Variants in RABL2A observed in about 807,000 individuals in gnomAD.
RABL2A encodes the protein rab-like protein 2A.
In RABL2A, 17 loss-of-function variants were observed where a neutral mutation model predicts 30.7. The observed-to-expected ratio is 0.55, with a 90% CI of 0.38 to 0.83. The LOEUF (loss-of-function observed/expected upper bound fraction) is 0.83. RABL2A is among the 40% of genes least tolerant of loss of function. The probability of loss-of-function intolerance (pLI) is 0.00; values close to 1 mark genes in which losing one functional copy is unlikely to be tolerated. For synonymous variants in RABL2A, 64 were observed against 101.8 expected (o/e 0.63, Z 2.24); for missense variants, 155 against 272.6 (o/e 0.57, Z 3.04).
intron 1 of RABL2A, among the ~76,000 whole-genome samples, chr2:113,627,668 A>G (rs1199645543): frequency 1.3e-5 from 2 of 152,232 alleles, no homozygotes; most frequent in South Asian, 2.1e-4. Flanking sequence ...GCTCACGCCT[A>G]TAGTCCAGGG....
Position 113,640,981 on chromosome 2 carries a change from A to G in RABL2A, c.385A>G (p.Ile129Val), listed in dbSNP as rs1684912538. Reference protein sequence around the residue: ...LREFRPEIPCIVVANKIDADI... With the variant: ...LREFRPEIPCVVVANKIDADI... ...GGAGTTCAGGCCAGAGATCCCATGC[A>G]TCGTGGTGGCCAATAAAATTGATGG... The change falls in exon 6 of 9, where the codon ATC (isoleucine) becomes GTC (valine). Residue 129 changes from isoleucine (I) to valine (V), a missense_variant. By Grantham distance (29) the Ile-to-Val change is conservative (BLOSUM62 3). Transcript: ENST00000683472. 2 of 1,613,640 alleles carry G rather than the reference A, an allele frequency of 1.2e-6. No homozygotes were observed. The highest frequency in any genetic ancestry group is 1.3e-5 in the African/African-American group (1 of 74,820).
At chr2:113,637,487 G>T (rs563496193) in intron 5 of RABL2A, 2 of 1,141,816 alleles carry the variant, frequency 1.8e-6, no homozygotes, top group Non-Finnish European at 2.2e-6. Flanking sequence ...TGACTGACTG[G>T]TAGGCACAGT....
At chr2:113,638,790 A>T (rs1017759680) in intron 5 of RABL2A, among the ~76,000 whole-genome samples, 8 of 151,866 alleles carry the variant, frequency 5.3e-5, no homozygotes, top group African/African-American at 1.7e-4. Flanking sequence ...TCGTTTGAAG[A>T]CAGGAGAATC....
At chr2:113,635,665 C>T (rs1352178756) in intron 5 of RABL2A, among the ~76,000 whole-genome samples, 1 of 152,170 alleles carries the variant, frequency 6.6e-6, no homozygotes, top group Non-Finnish European at 1.5e-5. Context: ...CAGAAAAATG[C>T]AGCCGAGGAA....
At chr2:113,630,299 A>G (rs1178351411) in intron 2 of RABL2A, among the ~76,000 whole-genome samples, 1 of 152,242 alleles carries the variant, frequency 6.6e-6, no homozygotes, top group Non-Finnish European at 1.5e-5. Context: ...GCATGAGAAC[A>G]CTGTGGTTCA....
At position 113,627,644 on chromosome 2, in the gene RABL2A, G is replaced by T. The variant is rs184016835; in HGVS notation, c.-54+244G>T. ...CGAGGACATCGACAAGCAAGTCTTC[G>T]CCCGTAAGCGGTGGCTCACGCCTAT... On this transcript the variant is annotated intron_variant, in intron 1 of 8. Transcript: ENST00000683472. Among the ~76,000 whole-genome samples, 461 of 152,340 alleles carry T rather than the reference G, an allele frequency of 3.0e-3. 15 individuals carry two copies. Among genetic ancestry groups the T allele is most frequent in the Admixed American group, 0.027 (408 of 15,302 alleles).
chr2:113,629,505 A>T (rs1236059470), intron 2 of RABL2A, among the ~76,000 whole-genome samples: 1 of 149,868 alleles, frequency 6.7e-6, no homozygotes, highest in Non-Finnish European at 1.5e-5. Flanking sequence ...CTTCCCCACC[A>T]CACAATCACA....
intron 2 of RABL2A, 100 bp downstream of exon 2, chr2:113,628,813 T>G (rs1011948204): frequency 8.5e-5 from 85 of 1,001,654 alleles, no homozygotes; most frequent in Admixed American, 1.4e-4. Context: ...TTGGGGCTGG[T>G]GAAGGAGCAG....
At chr2:113,641,252 C>T (rs1685039788) in intron 6 of RABL2A, 101 bp from the exon 7 acceptor site, 1 of 1,570,850 alleles carries the variant, frequency 6.4e-7, no homozygotes, top group Non-Finnish European at 8.7e-7. Flanking sequence ...TCCCAATCAT[C>T]CCTGCCTATC....
At chr2:113,632,853 A>T (rs1457226591) in intron 2 of RABL2A, 62 bp from the exon 3 acceptor site, 2 of 1,613,954 alleles carry the variant, frequency 1.2e-6, no homozygotes, top group Non-Finnish European at 1.7e-6. Context: ...TTAGGGTGAA[A>T]AAGTCTGGGA....
intron 5 of RABL2A, among the ~76,000 whole-genome samples, chr2:113,637,000 A>T (rs111474146): frequency 0.1 from 14,719 of 143,772 alleles, 876 homozygotes; most frequent in South Asian, 0.14. Context: ...AAAAAAATAA[A>T]AAAATAAAAA....
intron 4 of RABL2A, chr2:113,634,708 C>T: frequency 2.3e-6 from 1 of 437,600 alleles, no homozygotes; most frequent in East Asian, 5.0e-5. Context: ...GTGGTCATCG[C>T]ACGTGAGAAG....
chr2:113,637,727 A>C (rs1456062833), intron 5 of RABL2A: 14 of 1,254,088 alleles, frequency 1.1e-5, no homozygotes, highest in Non-Finnish European at 1.4e-5. Context: ...AGAGCAGAGG[A>C]GCTTGGTCCT....
intron 7 of RABL2A, 112 bp downstream of exon 7, chr2:113,641,562 G>A: frequency 5.6e-6 from 9 of 1,609,264 alleles, no homozygotes; most frequent in Non-Finnish European, 7.6e-6. Flanking sequence ...GACAGTGCAT[G>A]GGCCTGGGTG....
intron 4 of RABL2A, chr2:113,634,609 T>C (rs1273553705): frequency 7.2e-6 from 3 of 415,128 alleles, no homozygotes; most frequent in Middle Eastern, 7.1e-4. Flanking sequence ...GGTCAGAACA[T>C]TATCTCCCAC....
At chr2:113,633,010 C>T (rs748515064) in intron 3 of RABL2A, 66 bp downstream of exon 3, 2 of 1,610,912 alleles carry the variant, frequency 1.2e-6, no homozygotes, top group East Asian at 2.2e-5. Flanking sequence ...TATCAGTGTC[C>T]CACTGCCCAC....
rs537432467 is a variant in RABL2A, at chr2:113,643,049, A to C, written c.*920A>C. ...TGAGATCACAGGAACAGCAGGTGAC[A>C]GGCCTAGCTATAGTTAGGAATACAC... On this transcript the variant is annotated 3_prime_UTR_variant, in exon 9 of 9. Transcript: ENST00000683472. The C allele has an allele frequency of 3.3e-5, 14 of 423,632 alleles. No individual in the cohort carries two copies. Among genetic ancestry groups the C allele is most frequent in the African/African-American group, 2.5e-4 (12 of 48,302 alleles). 26.2% of individuals were successfully genotyped at this position (423,632 alleles called of 1,614,324 possible).
At chr2:113,629,183 A>G (rs2592682) in intron 2 of RABL2A, among the ~76,000 whole-genome samples, 1 of 152,170 alleles carries the variant, frequency 6.6e-6, no homozygotes, top group Non-Finnish European at 1.5e-5. Flanking sequence ...CGGTGCCTAC[A>G]TGCCACCTGG....
intron 5 of RABL2A, among the ~76,000 whole-genome samples, chr2:113,638,884 T>TC (rs1449296366): frequency 6.7e-6 from 1 of 149,886 alleles, no homozygotes; most frequent in African/African-American, 2.5e-5. Context: ...AGAGCAAGAC[T>TC]CCATCTCAAA....
Sources: allele counts gnomAD v4.1 joint callset (sites outside exome capture counted in the v4.1 genomes callset), GRCh38; gene constraint gnomAD v4.1.1; transcripts MANE v1.5; gene names NCBI Gene and HGNC (gene_info 2026-07-23, HGNC 2026-07-21).